Variants in EZH2 observed in about 807,000 individuals in gnomAD.
The protein encoded by EZH2 is histone-lysine N-methyltransferase EZH2.
Under a neutral mutation model 98.4 loss-of-function variants are expected in EZH2, and 18 were observed. The observed-to-expected ratio is 0.18, with a 90% CI of 0.13 to 0.27. The LOEUF is 0.27. EZH2 is among the 10% of genes least tolerant of loss of function. The pLI, the probability that EZH2 is intolerant of heterozygous loss-of-function variation, is 1.00. For synonymous variants in EZH2, 338 were observed against 312.3 expected, an observed-to-expected ratio of 1.08 and a Z score of -0.87; for missense variants, 470 against 935.1, an observed-to-expected ratio of 0.50 and a Z score of 6.49.
At chr7:148,833,575 C>T (rs1249890633) in intron 3 of EZH2, among the ~76,000 whole-genome samples, 2 of 152,098 alleles carry the variant, frequency 1.3e-5, no homozygotes, top group Non-Finnish European at 2.9e-5. Flanking sequence ...TCAGATGATA[C>T]ATAAATATTA....
At chr7:148,828,634 A>C (rs750122807) in intron 6 of EZH2, 106 bp downstream of exon 6, 1 of 1,381,092 alleles carries the variant, frequency 7.2e-7, no homozygotes. Flanking sequence ...GATATTTAAC[A>C]AAGAAAGAAA....
chr7:148,870,410 T>C (rs1462773742), intron 1 of EZH2, among the ~76,000 whole-genome samples: 4 of 151,982 alleles, frequency 2.6e-5, no homozygotes, highest in Non-Finnish European at 4.4e-5. Flanking sequence ...GTTTAATAAG[T>C]ATAAAGTTCT....
chr7:148,811,732 AAC>A lies in EZH2; in HGVS notation c.1852-14_1852-13del, dbSNP rs766199910. The A allele has an allele frequency of 1.2e-5, 19 of 1,607,374 alleles. No individual in the cohort carries two copies. Among genetic ancestry groups the A allele is most frequent in the Non-Finnish European group, 1.5e-5 (18 of 1,177,774 alleles). Reference sequence around the variant, plus strand: ...GCCAGCAATAGATGCTAGAGAATAAAACACAATCACATCATCAAAAAAGGAGG... The same window carrying A: ...GCCAGCAATAGATGCTAGAGAATAAAACAATCACATCATCAAAAAAGGAGG... On this transcript the variant is annotated splice_polypyrimidine_tract_variant and intron_variant, in intron 15 of 19. Coordinates refer to ENST00000320356, the MANE Select transcript of EZH2 (RefSeq NM_004456.5).
intron 2 of EZH2, 33 bp downstream of exon 2, chr7:148,847,149 G>T: frequency 6.3e-7 from 1 of 1,589,200 alleles, no homozygotes; most frequent in South Asian, 1.2e-5. Flanking sequence ...ATCCTTAATT[G>T]TATATTCATT....
chr7:148,862,259 G>A (rs1164023024), intron 1 of EZH2, among the ~76,000 whole-genome samples: 2 of 151,984 alleles, frequency 1.3e-5, no homozygotes, highest in African/African-American at 2.4e-5. Flanking sequence ...TTTAACTCAG[G>A]CACAATGTTA....
chr7:148,856,294 A>G (rs190341446), intron 1 of EZH2, among the ~76,000 whole-genome samples: 47 of 152,382 alleles, frequency 3.1e-4, no homozygotes, highest in African/African-American at 9.1e-4. Flanking sequence ...AATGTAGATA[A>G]TGTGTGCCAA....
Position 148,832,255 on chromosome 7 carries a change from G to GT in EZH2, c.363+378dup, listed in dbSNP as rs142940071. 6.1e-3 allele frequency among the ~76,000 whole-genome samples: 923 copies of GT among 152,144 alleles called. 12 individuals carry two copies. Among genetic ancestry groups the GT allele is most frequent in the African/African-American group, 0.019 (809 of 41,498 alleles). On this transcript the variant is annotated intron_variant, in intron 4 of 19. Transcript: ENST00000320356. ...CATGCGCCACACCCAGCTAACTTTTGTTTTGAGGACACAGCGTTTTGCCAT... is the reference window on the plus strand; with the variant it reads ...CATGCGCCACACCCAGCTAACTTTTGTTTTTGAGGACACAGCGTTTTGCCAT...
At chr7:148,837,762 AC>A (rs1374280057) in intron 3 of EZH2, among the ~76,000 whole-genome samples, 3 of 152,126 alleles carry the variant, frequency 2.0e-5, no homozygotes, top group Non-Finnish European at 2.9e-5. Flanking sequence ...GGAAGAAAAA[AC>A]CCCATTAAGA....
At chr7:148,826,972 T>C (rs1807892345) in intron 7 of EZH2, among the ~76,000 whole-genome samples, 192 bp downstream of exon 7, 1 of 152,232 alleles carries the variant, frequency 6.6e-6, no homozygotes, top group African/African-American at 2.4e-5. Context: ...TATACATATG[T>C]ATTTATTCTA....
chr7:148,873,558 T>C (rs1819755344), intron 1 of EZH2, among the ~76,000 whole-genome samples: 1 of 59,574 alleles, frequency 1.7e-5, no homozygotes. Flanking sequence ...ATGCTCTTCA[T>C]TTTTTTTTTT....
intron 9 of EZH2, among the ~76,000 whole-genome samples, chr7:148,819,327 T>TCCTAAA (rs1240386985): frequency 1.3e-5 from 2 of 152,232 alleles, no homozygotes; most frequent in Non-Finnish European, 1.5e-5. Context: ...ATAGACTTTG[T>TCCTAAA]GGAAGGCATA....
chr7:148,813,819 A>T, intron 15 of EZH2, 140 bp downstream of exon 15: 1 of 860,584 alleles, frequency 1.2e-6, no homozygotes, highest in Non-Finnish European at 1.8e-6. Flanking sequence ...AGAGAAAATT[A>T]TGAACACTTT....
intron 1 of EZH2, among the ~76,000 whole-genome samples, chr7:148,870,540 A>G (rs1585284838): frequency 6.6e-6 from 1 of 152,006 alleles, no homozygotes. Context: ...CATCTCTACA[A>G]AAAAATACAA....
chr7:148,828,615 T>G lies in EZH2; in HGVS notation c.625+125A>C, dbSNP rs1808430389. 7.4e-6 allele frequency: 9 copies of G among 1,220,554 alleles called. 1 individual carries two copies. The highest frequency in any genetic ancestry group is 1.5e-5 in the South Asian group (1 of 66,086). The allele number at this position is 1,220,554 out of a possible 1,614,324, so 75.6% of individuals were successfully genotyped here. A position where few individuals can be genotyped will look rare whatever the true frequency, so the allele number is the denominator to read the frequency against. ...AATATGTTAATTTTGATTATACTGC[T>G]ATCAATGTGATATTTAACAAAGAAA... On this transcript the variant is annotated intron_variant, in intron 6 of 19. Coordinates refer to ENST00000320356, the MANE Select transcript of EZH2 (RefSeq NM_004456.5).
intron 1 of EZH2, among the ~76,000 whole-genome samples, chr7:148,856,010 CTT>C (rs750028644): frequency 5.3e-5 from 8 of 150,050 alleles, no homozygotes; most frequent in Non-Finnish European, 7.4e-5. Flanking sequence ...AATATAAAGA[CTT>C]TTTTTAAATG....
chr7:148,817,191 C>G, intron 11 of EZH2, 31 bp downstream of exon 11: 2 of 1,594,284 alleles, frequency 1.3e-6, no homozygotes, highest in Non-Finnish European at 1.7e-6. Context: ...GTTTGAAGCT[C>G]TTTTAACAAC....
At chr7:148,873,608 CTT>C (rs1211641646) in intron 1 of EZH2, among the ~76,000 whole-genome samples, 14 of 102,194 alleles carry the variant, frequency 1.4e-4, no homozygotes, top group African/African-American at 5.5e-4. Flanking sequence ...AGCTTTCTGA[CTT>C]TGATCAACAG....
intron 19 of EZH2, among the ~76,000 whole-genome samples, chr7:148,808,384 C>G (rs1334992007): frequency 6.6e-6 from 1 of 152,246 alleles, no homozygotes; most frequent in African/African-American, 2.4e-5. Flanking sequence ...ACACAGTACT[C>G]AAAGACAGCT....
chr7:148,816,266 A>C (rs1804521485), intron 12 of EZH2, among the ~76,000 whole-genome samples: 1 of 152,228 alleles, frequency 6.6e-6, no homozygotes, highest in Non-Finnish European at 1.5e-5. Context: ...ACCCATTAGG[A>C]GTATCGGAAT....
Sources: allele counts gnomAD v4.1 joint callset (sites outside exome capture counted in the v4.1 genomes callset), GRCh38; gene constraint gnomAD v4.1.1; transcripts MANE v1.5; gene names NCBI Gene and HGNC (gene_info 2026-07-23, HGNC 2026-07-21).